The following CYP2A7 variants were observed in gnomAD, a reference collection of about 807,000 sequenced individuals.
The protein encoded by CYP2A7 is cytochrome P450 2A7.
Under a neutral mutation model 42.0 loss-of-function variants are expected in CYP2A7, and 36 were observed. That is an observed-to-expected ratio of 0.86 (90% CI 0.66 to 1.13). The LOEUF (loss-of-function observed/expected upper bound fraction) is 1.13. CYP2A7 is among the 50% of genes most tolerant of loss of function. The pLI is 0.00. For synonymous variants in CYP2A7, 260 were observed against 249.5 expected, an observed-to-expected ratio of 1.04 and a Z score of -0.40; for missense variants, 661 against 634.1, an observed-to-expected ratio of 1.04 and a Z score of -0.46.
chr19:40,881,615 G>T lies in CYP2A7; in HGVS notation c.317C>A (p.Thr106Asn). The stretch of plus-strand genomic sequence containing the variant: ...ATAGCCTTTGAAGACCCAGTCGAAG[G>T]TGGCTTGCTCGCCTCGCCCGCTGAA... ...EEFSGRGEQA[T>N]FDWVFKGYGV... is the part of the protein sequence containing the mutation. Residue 106 changes from threonine to asparagine, a missense_variant, in exon 2 of 9, where the codon ACC becomes AAC. This residue lies in a region of CYP2A7 where 614 missense variants were observed against 552.4 expected (regional missense o/e 1.11). Coordinates refer to ENST00000301146, the MANE Select transcript of CYP2A7 (RefSeq NM_000764.3). 6.2e-7 allele frequency: 1 copy of T among 1,612,326 alleles called. No homozygotes were observed. The highest frequency in any genetic ancestry group is 8.5e-7 in the Non-Finnish European group (1 of 1,179,630).
At position 40,880,625 on chromosome 19, in the gene CYP2A7, A is replaced by C; in HGVS notation, c.347T>G (p.Val116Gly). Reference protein sequence around the residue: ...TFDWVFKGYGVAFSNGERAKQ... With the variant: ...TFDWVFKGYGGAFSNGERAKQ... ...GGCGCGCTCCCCGTTGCTGAACGCC[A>C]CGCCTGGGGAGGTCAAGGCGGGGGT... is the stretch of plus-strand genomic sequence containing the variant. The change falls in exon 3 of 9, where the codon GTG (valine) becomes GGG (glycine). Residue 116 changes from valine (V) to glycine (G), a missense_variant. Physicochemically the swap from Val to Gly is moderately radical, Grantham distance 109 (BLOSUM62 -3). Around this residue, in one of 3 missense-constraint regions of CYP2A7, gnomAD observed 614 missense variants for 552.4 expected, o/e 1.11. Coordinates refer to ENST00000301146, the MANE Select transcript of CYP2A7 (RefSeq NM_000764.3). 1 of 1,587,060 alleles carries C rather than the reference A, an allele frequency of 6.3e-7. No homozygotes were observed. Among genetic ancestry groups the C allele is most frequent in the Non-Finnish European group, 8.6e-7 (1 of 1,163,672 alleles).
chr19:40,878,238 G>GTT (rs879727705), intron 5 of CYP2A7, among the ~76,000 whole-genome samples: 2 of 149,360 alleles, frequency 1.3e-5, no homozygotes, highest in East Asian at 1.9e-4. Flanking sequence ...TTAGCTGTCA[G>GTT]TTTTTTTTTT....
Position 40,877,214 on chromosome 19 carries a change from C to T in CYP2A7, c.1137G>A (p.Lys379=). ...SLARRVKKDT[K]FRDFFLPKGT... Reference sequence around the variant, plus strand: ...CCTTAGGGAGGAAAAAATCCCGAAACTTGGTGTCCTTTTTAACCCTGCGGG... The same window carrying T: ...CCTTAGGGAGGAAAAAATCCCGAAATTTGGTGTCCTTTTTAACCCTGCGGG... The change falls in exon 7 of 9, where the codon AAG becomes AAA. Residue 379 remains lysine, a synonymous_variant. Transcript: ENST00000301146. 2.5e-6 allele frequency: 4 copies of T among 1,612,716 alleles called. No individual in the cohort carries two copies. Among genetic ancestry groups the T allele is most frequent in the South Asian group, 2.2e-5 (2 of 91,000 alleles).
intron 3 of CYP2A7, 79 bp from the exon 4 acceptor site, chr19:40,880,323 G>C: frequency 6.4e-7 from 1 of 1,554,302 alleles, no homozygotes; most frequent in East Asian, 2.3e-5. Context: ...CCAGGAGGCA[G>C]GGCCTTGTTG....
chr19:40,880,801 GAGAGAGAGA>G (rs1967654341), intron 2 of CYP2A7, among the ~76,000 whole-genome samples, 173 bp from the exon 3 acceptor site: 3 of 3,076 alleles, frequency 9.8e-4, no homozygotes, highest in Non-Finnish European at 3.0e-3. Flanking sequence ...ACACGAGGGA[GAGAGAGAGA>G]GAGAGAGAGA....
intron 5 of CYP2A7, among the ~76,000 whole-genome samples, chr19:40,878,481 C>G (rs10402703): frequency 0.77 from 116,050 of 151,150 alleles, 45,084 homozygotes; most frequent in African/African-American, 0.81. Flanking sequence ...TGCCCCCCTT[C>G]GCGCCACCAC....
rs1555785566 is a variant in CYP2A7 at position 40,880,817 on chromosome 19, G to GAGAGAA, written c.344-190_344-189insTTCTCT. On this transcript the variant is annotated intron_variant, in intron 2 of 8. Transcript: ENST00000301146. ...CACGAGGGAGAGAGAGAGAGAGAGA[G>GAGAGAA]AGAGAGAGAGAGAGAGAGAGAGAGA... Among the ~76,000 whole-genome samples the GAGAGAA allele has an allele frequency of 5.7e-4, 27 of 47,452 alleles. 5 individuals are homozygous for GAGAGAA. The highest frequency in any genetic ancestry group is 1.9e-3 in the African/African-American group (25 of 13,210). The allele number at this position is 47,452 out of a possible 152,430, so 31.1% of individuals were successfully genotyped here.
intron 1 of CYP2A7, 56 bp downstream of exon 1, chr19:40,881,975 C>T: frequency 6.3e-7 from 1 of 1,578,082 alleles, no homozygotes; most frequent in African/African-American, 1.3e-5. Context: ...GCCACAAAGC[C>T]CCAGCCAACT....
At chr19:40,876,823 A>G in intron 7 of CYP2A7, 155 bp from the exon 8 acceptor site, 1 of 1,043,642 alleles carries the variant, frequency 9.6e-7, no homozygotes, top group Non-Finnish European at 1.4e-6. Context: ...TGGGGAATAG[A>G]AGGTTCACAT....
rs781299961 is a variant in CYP2A7, at chr19:40,878,954, G to T, written c.655-18C>A. The T allele has an allele frequency of 5.4e-5, 86 of 1,599,608 alleles. 1 individual carries two copies. In the South Asian group the frequency reaches 9.1e-4, roughly 17 times the overall value. Reference sequence around the variant, plus strand: ...TCATAGAGCTGGGGTTGCAGAGAGAGGATGGGAAGGGAAGGACAGCTGTCA... The same window carrying T: ...TCATAGAGCTGGGGTTGCAGAGAGATGATGGGAAGGGAAGGACAGCTGTCA... On this transcript the variant is annotated intron_variant, in intron 4 of 8. Transcript: ENST00000301146.
At chr19:40,876,425 C>G (rs1967531466) in intron 8 of CYP2A7, 102 bp downstream of exon 8, 1 of 1,591,278 alleles carries the variant, frequency 6.3e-7, no homozygotes, top group Non-Finnish European at 8.6e-7. Context: ...CAGGAACTTC[C>G]AAGCTGGAGA....
intron 2 of CYP2A7, among the ~76,000 whole-genome samples, chr19:40,881,206 G>T (rs1395881920): frequency 6.6e-6 from 1 of 151,496 alleles, no homozygotes; most frequent in African/African-American, 2.4e-5. Context: ...AGGAAAAAGT[G>T]AGAGAGGGAA....
At position 40,877,846 on chromosome 19, in the gene CYP2A7, C is replaced by A. The variant is rs374455689; in HGVS notation, c.973+6G>T. 1.2e-6 allele frequency: 2 copies of A among 1,602,158 alleles called. No homozygotes were observed. Among genetic ancestry groups the A allele is most frequent in the Admixed American group, 3.5e-5 (2 of 56,356 alleles). On this transcript the variant is annotated splice_donor_region_variant and intron_variant, in intron 6 of 8. Transcript: ENST00000301146. ...GCCCTCCACTTCCGTCCCCCTCCAG[C>A]CTTACCCTCCACCTCTGGGTGCTTC... is the stretch of plus-strand genomic sequence containing the variant.
chr19:40,875,804 C>T lies in CYP2A7; in HGVS notation c.1374G>A (p.Gln458=), dbSNP rs777611089. ...ELFLFFTTVM[Q]NFRLKSSQSP... ...ACTGGGAGGACTTGAGGCGGAAGTT[C>T]TGCATGACGGTGGTGAAGAAGAGAA... Residue 458 remains glutamine, a synonymous_variant, in exon 9 of 9, where the codon CAG becomes CAA. Coordinates refer to ENST00000301146, the MANE Select transcript of CYP2A7 (RefSeq NM_000764.3). The T allele has an allele frequency of 6.2e-6, 10 of 1,600,096 alleles. No individual in the cohort carries two copies. The highest frequency in any genetic ancestry group is 5.1e-5 in the Admixed American group (3 of 58,886).
intron 3 of CYP2A7, 83 bp downstream of exon 3, chr19:40,880,396 C>T: frequency 6.4e-7 from 1 of 1,566,472 alleles, no homozygotes; most frequent in Non-Finnish European, 8.7e-7. Context: ...CACCTAGTCC[C>T]CATCCGCAGG....
intron 2 of CYP2A7, among the ~76,000 whole-genome samples, chr19:40,881,048 A>T (rs1274426215): frequency 6.6e-6 from 1 of 151,114 alleles, no homozygotes; most frequent in African/African-American, 2.4e-5. Flanking sequence ...AGGAGGAAAT[A>T]AAAATGGTGA....
Position 40,876,786 on chromosome 19 carries a change from A to C in CYP2A7, c.1162-118T>G, listed in dbSNP as rs905673865. The C allele has an allele frequency of 5.4e-5, 74 of 1,377,176 alleles. 2 individuals carry two copies. Among genetic ancestry groups the C allele is most frequent in the Non-Finnish European group, 6.8e-5 (69 of 1,008,534 alleles). The allele number at this position is 1,377,176 out of a possible 1,614,324, so 85.3% of individuals were successfully genotyped here. On this transcript the variant is annotated intron_variant, in intron 7 of 8. Transcript: ENST00000301146. ...TAAGGGGAAGTGGCAGGCATGGAGGAGTTGGGGTCCTGTGAAGGAGGAGCT... is the reference window on the plus strand; with the variant it reads ...TAAGGGGAAGTGGCAGGCATGGAGGCGTTGGGGTCCTGTGAAGGAGGAGCT...
At chr19:40,881,500 C>G in intron 2 of CYP2A7, 89 bp downstream of exon 2, 1 of 1,586,112 alleles carries the variant, frequency 6.3e-7, no homozygotes, top group Non-Finnish European at 8.6e-7. Context: ...CCATAGCCTC[C>G]AGTGGGCAGG....
Position 40,880,149 on chromosome 19 carries a change from C to G in CYP2A7, c.589G>C (p.Glu197Gln). The G allele has an allele frequency of 6.2e-7, 1 of 1,613,008 alleles. No homozygotes were observed. The highest frequency in any genetic ancestry group is 2.2e-5 in the East Asian group (1 of 44,870). Residue 197 changes from glutamate (E) to glutamine (Q), a missense_variant, in exon 4 of 9, where the codon GAG (glutamate) becomes CAG (glutamine). Around this residue, in one of 3 missense-constraint regions of CYP2A7, gnomAD observed 614 missense variants for 552.4 expected, o/e 1.11. Coordinates refer to ENST00000301146, the MANE Select transcript of CYP2A7 (RefSeq NM_000764.3). Reference sequence around the variant, plus strand: ...ATCATGCTCAGCAGTGACAGGAACTCTTTGTCCTCATAGTCAAAGCGGTCC... The same window carrying G: ...ATCATGCTCAGCAGTGACAGGAACTGTTTGTCCTCATAGTCAAAGCGGTCC... Reference protein sequence around the residue: ...FGDRFDYEDKEFLSLLSMMLG... With the variant: ...FGDRFDYEDKQFLSLLSMMLG...
Sources: allele counts gnomAD v4.1 joint callset (sites outside exome capture counted in the v4.1 genomes callset), GRCh38; gene constraint gnomAD v4.1.1; regional missense constraint gnomAD v4.1.1; transcripts MANE v1.5; gene names NCBI Gene and HGNC (gene_info 2026-07-23, HGNC 2026-07-21).